UIMC1: variants seen among roughly 807,000 people sequenced by gnomAD.
The protein encoded by UIMC1 is BRCA1-A complex subunit RAP80.
A neutral mutation model predicts 84.9 loss-of-function variants in UIMC1; 42 were observed. That is an observed-to-expected ratio of 0.49 (90% CI 0.39 to 0.64). The LOEUF (loss-of-function observed/expected upper bound fraction) is 0.64, where lower values mean the gene tolerates loss of function less well. Among genes scored for constraint, UIMC1 ranks in the 30% least tolerant of loss-of-function variants. UIMC1 has a pLI of 0.00. For synonymous variants in UIMC1, 281 were observed against 293.0 expected (o/e 0.96, Z 0.42); for missense variants, 825 against 847.6 (o/e 0.97, Z 0.33).
intron 10 of UIMC1, among the ~76,000 whole-genome samples, chr5:176,913,420 T>C (rs1760521777): frequency 6.6e-6 from 1 of 152,242 alleles, no homozygotes; most frequent in Non-Finnish European, 1.5e-5. Context: ...TGTTTTACCT[T>C]CCTAATTAAC....
chr5:176,942,578 T>C (rs1325229013), intron 10 of UIMC1, among the ~76,000 whole-genome samples: 1 of 146,066 alleles, frequency 6.8e-6, no homozygotes, highest in East Asian at 2.0e-4. Flanking sequence ...CCATCTCTAC[T>C]AAAAAAAAAA....
At chr5:176,957,998 G>T in intron 7 of UIMC1, 95 bp downstream of exon 7, 1 of 1,157,924 alleles carries the variant, frequency 8.6e-7, no homozygotes, top group Non-Finnish European at 1.2e-6. Flanking sequence ...AAAGTTCTCT[G>T]GCAAGCTGTC....
chr5:176,916,598 C>T lies in UIMC1; in HGVS notation c.1598-5209G>A, dbSNP rs569905533. On this transcript the variant is annotated intron_variant, in intron 10 of 14. Transcript: ENST00000511320. ...CTGCATTTAACCTTAATGAGTTTTG[C>T]TAACAATCATATCAGATACTGTAAG... 2.6e-5 allele frequency among the ~76,000 whole-genome samples: 4 copies of T among 152,286 alleles called. No homozygotes were observed. The East Asian group carries it at 7.7e-4, about 29-fold the overall frequency.
chr5:176,911,170 G>GAA (rs771838801), intron 11 of UIMC1, 141 bp downstream of exon 11: 1 of 187,768 alleles, frequency 5.3e-6, no homozygotes, highest in East Asian at 1.0e-4. Flanking sequence ...GAAAAGAAAA[G>GAA]AAAAGAAAAT....
intron 4 of UIMC1, chr5:176,970,190 T>G (rs184128443): frequency 1.5e-3 from 257 of 169,034 alleles, no homozygotes; most frequent in African/African-American, 4.6e-3. Flanking sequence ...GAGAATTGCT[T>G]GAACCCAGGA....
intron 13 of UIMC1, among the ~76,000 whole-genome samples, chr5:176,906,725 C>T (rs2149384374): frequency 6.6e-6 from 1 of 152,304 alleles, no homozygotes; most frequent in Non-Finnish European, 1.5e-5. Flanking sequence ...CAGGTTGCGA[C>T]ACTAAGATAA....
chr5:177,000,498 C>CTTTTTTTTTTTTTTTTTTTTTTTTTTTT lies in UIMC1; in HGVS notation c.-9+6151_-9+6152insAAAAAAAAAAAAAAAAAAAAAAAAAAAA, dbSNP rs966855813. 3.2e-4 allele frequency among the ~76,000 whole-genome samples: 36 copies of CTTTTTTTTTTTTTTTTTTTTTTTTTTTT among 113,364 alleles called. 1 individual carries two copies. The highest frequency in any genetic ancestry group is 7.6e-4 in the African/African-American group (19 of 25,096). The allele number at this position is 113,364 out of a possible 152,430, so 74.4% of individuals were successfully genotyped here. ...ATATGCCTGTTTTCCACTTGCATGT[C>CTTTTTTTTTTTTTTTTTTTTTTTTTTTT]TTTTTTTTTTTTTTTTTTTGAGATG... On this transcript the variant is annotated intron_variant, in intron 1 of 14. Coordinates refer to ENST00000511320, the MANE Select transcript of UIMC1 (RefSeq NM_001199298.2).
At chr5:176,924,243 G>C (rs1581395746) in intron 10 of UIMC1, among the ~76,000 whole-genome samples, 1 of 150,370 alleles carries the variant, frequency 6.7e-6, no homozygotes, top group Admixed American at 6.6e-5. Context: ...GCTTGAACCT[G>C]GGAGGCGGAG....
At chr5:176,905,718 TC>T in intron 14 of UIMC1, 6 of 635,072 alleles carry the variant, frequency 9.4e-6, no homozygotes, top group Non-Finnish European at 1.3e-5. Flanking sequence ...AGATCCAAAT[TC>T]CCAAGCTGCT....
intron 6 of UIMC1, among the ~76,000 whole-genome samples, chr5:176,958,628 C>T (rs998257207): frequency 4.6e-5 from 7 of 152,168 alleles, no homozygotes; most frequent in African/African-American, 1.7e-4. Flanking sequence ...ATAAACACTG[C>T]AATCTATGAT....
intron 2 of UIMC1, among the ~76,000 whole-genome samples, chr5:176,977,589 AAAAAAAAAG>A (rs1469810253): frequency 4.1e-5 from 6 of 147,306 alleles, no homozygotes; most frequent in African/African-American, 1.3e-4. Flanking sequence ...TCTCAAAAAA[AAAAAAAAAG>A]AAAAGAAAAA....
At chr5:176,971,437 G>C (rs1034979186) in intron 3 of UIMC1, among the ~76,000 whole-genome samples, 4 of 152,118 alleles carry the variant, frequency 2.6e-5, no homozygotes, top group Non-Finnish European at 5.9e-5. Flanking sequence ...TAGAATATTT[G>C]TCACTGTATT....
At chr5:176,915,432 T>C (rs2149397678) in intron 10 of UIMC1, among the ~76,000 whole-genome samples, 1 of 151,800 alleles carries the variant, frequency 6.6e-6, no homozygotes, top group South Asian at 2.1e-4. Context: ...AAAGAATATA[T>C]CATTATTTCT....
At chr5:176,947,029 T>C (rs150217610) in intron 9 of UIMC1, among the ~76,000 whole-genome samples, 7 of 152,326 alleles carry the variant, frequency 4.6e-5, no homozygotes, top group East Asian at 3.9e-4. Context: ...GGTGCCCACA[T>C]TGAGCACTAT....
intron 1 of UIMC1, among the ~76,000 whole-genome samples, chr5:177,020,903 C>T (rs1775783678): frequency 6.6e-6 from 1 of 152,122 alleles, no homozygotes; most frequent in South Asian, 2.1e-4. Flanking sequence ...ATATTAAAAG[C>T]TTCATTCATT....
chr5:176,944,299 C>G (rs1025674360), intron 9 of UIMC1, among the ~76,000 whole-genome samples: 1 of 152,194 alleles, frequency 6.6e-6, no homozygotes, highest in South Asian at 2.1e-4. Flanking sequence ...TCAATTCTGC[C>G]AAAGCCACTC....
At chr5:176,934,985 C>T (rs1343827585) in intron 10 of UIMC1, among the ~76,000 whole-genome samples, 2 of 152,198 alleles carry the variant, frequency 1.3e-5, no homozygotes, top group Non-Finnish European at 2.9e-5. Flanking sequence ...TTATTACACA[C>T]ATTAACTTGG....
intron 10 of UIMC1, among the ~76,000 whole-genome samples, chr5:176,916,879 T>A (rs1054621687): frequency 3.9e-5 from 6 of 152,148 alleles, no homozygotes; most frequent in African/African-American, 1.4e-4. Flanking sequence ...CAATACTATA[T>A]AAACATCAAC....
At chr5:177,017,948 A>G (rs1775707001) in intron 1 of UIMC1, among the ~76,000 whole-genome samples, 2 of 152,088 alleles carry the variant, frequency 1.3e-5, no homozygotes, top group South Asian at 4.1e-4. Context: ...CACTGTGCCC[A>G]GCCTAGTCAT....
Sources: allele counts gnomAD v4.1 joint callset (sites outside exome capture counted in the v4.1 genomes callset), GRCh38; gene constraint gnomAD v4.1.1; transcripts MANE v1.5; gene names NCBI Gene and HGNC (gene_info 2026-07-23, HGNC 2026-07-21).